BRINP3: variants seen among roughly 807,000 people sequenced by gnomAD.
The protein encoded by BRINP3 is BMP/retinoic acid inducible neural specific 3, also known as BMP/retinoic acid-inducible neural-specific protein 3.
BRINP3 carries 19 observed loss-of-function variants against 71.0 expected under a neutral mutation model. That is an observed-to-expected ratio of 0.27 (90% CI 0.19 to 0.39). BRINP3 has a LOEUF of 0.39. Among genes scored for constraint, BRINP3 ranks in the 10% least tolerant of loss-of-function variants. The pLI is 1.00. For missense variants in BRINP3, 959 were observed against 940.8 expected, an observed-to-expected ratio of 1.02 and a Z score of -0.25; for synonymous variants, 380 against 337.7, an observed-to-expected ratio of 1.13 and a Z score of -1.37.
chr1:190,215,094 G>GAAA (rs5779515), intron 6 of BRINP3, among the ~76,000 whole-genome samples: 2 of 131,780 alleles, frequency 1.5e-5, no homozygotes, highest in Admixed American at 7.6e-5. Flanking sequence ...TAGCTATTAT[G>GAAA]AAAAAAAAAA....
intron 1 of BRINP3, among the ~76,000 whole-genome samples, chr1:190,455,943 T>TTCTA (rs1370799776): frequency 1.3e-5 from 2 of 152,286 alleles, no homozygotes; most frequent in South Asian, 2.1e-4. Context: ...CAATTTTTCT[T>TTCTA]TCTATCCTCA....
chr1:190,447,681 C>G (rs1050425839), intron 2 of BRINP3, among the ~76,000 whole-genome samples: 1 of 150,206 alleles, frequency 6.7e-6, no homozygotes, highest in Non-Finnish European at 1.5e-5. Context: ...ATGTTATAGT[C>G]TGTCTTTCAC....
chr1:190,434,420 G>C (rs1674315289), intron 2 of BRINP3, among the ~76,000 whole-genome samples: 1 of 151,810 alleles, frequency 6.6e-6, no homozygotes, highest in Admixed American at 6.6e-5. Flanking sequence ...CAAAATAATG[G>C]TTCTTTAGGT....
At chr1:190,365,590 A>C (rs926397673) in intron 2 of BRINP3, among the ~76,000 whole-genome samples, 1 of 146,718 alleles carries the variant, frequency 6.8e-6, no homozygotes, top group Admixed American at 6.9e-5. Context: ...TATTAATTTA[A>C]TATTATAACA....
chr1:190,245,844 C>A lies in BRINP3; in HGVS notation c.619-11367G>T, dbSNP rs371071491. Among the ~76,000 whole-genome samples, 415 of 148,100 alleles carry A rather than the reference C, an allele frequency of 2.8e-3. 4 individuals carry two copies. Among genetic ancestry groups the A allele is most frequent in the African/African-American group, 9.8e-3 (394 of 40,156 alleles). On this transcript the variant is annotated intron_variant, in intron 4 of 7. Coordinates refer to ENST00000367462, the MANE Select transcript of BRINP3 (RefSeq NM_199051.3). ...CTCAGTTCCCACCTATGAGTGAGAA[C>A]ATGCGGTGTTTGGTTTTTTTGTCCT... is the stretch of plus-strand genomic sequence containing the variant.
At chr1:190,277,379 G>A (rs547401029) in intron 3 of BRINP3, among the ~76,000 whole-genome samples, 6 of 150,962 alleles carry the variant, frequency 4.0e-5, no homozygotes, top group Admixed American at 6.7e-5. Flanking sequence ...GAGTACTAGC[G>A]GAGGAACTCA....
chr1:190,323,490 A>G (rs905519614), intron 2 of BRINP3, among the ~76,000 whole-genome samples: 1 of 151,904 alleles, frequency 6.6e-6, no homozygotes, highest in Non-Finnish European at 1.5e-5. Flanking sequence ...CTCTTGAGGA[A>G]TGAAGTGCAT....
intron 2 of BRINP3, among the ~76,000 whole-genome samples, chr1:190,437,066 G>T (rs1474105803): frequency 6.6e-6 from 1 of 151,316 alleles, no homozygotes; most frequent in Non-Finnish European, 1.5e-5. Flanking sequence ...AATCAATATT[G>T]TTTAAACTGG....
chr1:190,255,897 G>C (rs1022258274), intron 4 of BRINP3, among the ~76,000 whole-genome samples: 1 of 152,056 alleles, frequency 6.6e-6, no homozygotes, highest in African/African-American at 2.4e-5. Context: ...TTTCTCTTGT[G>C]AGTATTTAGT....
At chr1:190,274,401 C>T (rs1038695141) in intron 3 of BRINP3, among the ~76,000 whole-genome samples, 3 of 151,510 alleles carry the variant, frequency 2.0e-5, no homozygotes, top group Non-Finnish European at 4.4e-5. Flanking sequence ...CAGATGTCTT[C>T]CCGGTCATTC....
At chr1:190,407,914 T>C (rs1255442480) in intron 2 of BRINP3, among the ~76,000 whole-genome samples, 1 of 152,084 alleles carries the variant, frequency 6.6e-6, no homozygotes, top group African/African-American at 2.4e-5. Flanking sequence ...CACACAATTA[T>C]TTTACCCCTT....
intron 2 of BRINP3, among the ~76,000 whole-genome samples, chr1:190,309,619 T>A (rs1385391890): frequency 6.6e-6 from 1 of 151,862 alleles, no homozygotes; most frequent in Non-Finnish European, 1.5e-5. Context: ...AGTCTCATTG[T>A]GTTATACTCT....
chr1:190,374,607 G>A (rs1159619626), intron 2 of BRINP3, among the ~76,000 whole-genome samples: 2 of 151,978 alleles, frequency 1.3e-5, no homozygotes, highest in African/African-American at 4.8e-5. Context: ...GTAGTGGGGT[G>A]TGAAATTAAA....
At chr1:190,298,891 G>A (rs984419251) in intron 2 of BRINP3, among the ~76,000 whole-genome samples, 1 of 152,108 alleles carries the variant, frequency 6.6e-6, no homozygotes, top group Non-Finnish European at 1.5e-5. Flanking sequence ...AGCAACTGAC[G>A]ACAGAGGTGT....
At chr1:190,263,213 A>G (rs1661346690) in intron 4 of BRINP3, among the ~76,000 whole-genome samples, 1 of 152,214 alleles carries the variant, frequency 6.6e-6, no homozygotes, top group South Asian at 2.1e-4. Flanking sequence ...CTCAGCAACC[A>G]CAAGCTAAGT....
chr1:190,213,459 G>C (rs552108569), intron 6 of BRINP3, among the ~76,000 whole-genome samples: 1 of 152,112 alleles, frequency 6.6e-6, no homozygotes, highest in South Asian at 2.1e-4. Context: ...AATAATTGCT[G>C]AATTTGACAG....
intron 4 of BRINP3, among the ~76,000 whole-genome samples, chr1:190,253,459 T>C (rs150047136): frequency 1.3e-5 from 2 of 152,300 alleles, no homozygotes; most frequent in Non-Finnish European, 2.9e-5. Context: ...TTTTTAATGA[T>C]TGCCATTATA....
At chr1:190,255,093 T>C (rs961989771) in intron 4 of BRINP3, among the ~76,000 whole-genome samples, 1 of 152,162 alleles carries the variant, frequency 6.6e-6, no homozygotes, top group African/African-American at 2.4e-5. Flanking sequence ...TTTGCATATG[T>C]CGAACCAGCC....
At chr1:190,146,326 A>T (rs1003854938) in intron 7 of BRINP3, among the ~76,000 whole-genome samples, 8 of 152,210 alleles carry the variant, frequency 5.3e-5, no homozygotes, top group Admixed American at 2.0e-4. Context: ...ATAACCTTAA[A>T]AGGAGTGTCT....
Sources: gnomAD v4.1 joint callset for allele counts (sites outside exome capture counted in the v4.1 genomes callset) on GRCh38, gnomAD v4.1.1 for gene constraint, MANE v1.5 for transcripts, NCBI Gene and HGNC (gene_info 2026-07-23, HGNC 2026-07-21) for gene names.